The following CAPZB variants were observed in gnomAD, a reference collection of about 807,000 sequenced individuals.
CAPZB encodes the protein F-actin-capping protein subunit beta.
CAPZB carries 2 observed loss-of-function variants against 38.1 expected under a neutral mutation model. The observed-to-expected ratio is 0.05, with a 90% confidence interval of 0.02 to 0.17. The LOEUF is 0.17. Ranked by LOEUF, CAPZB falls within the 10% of genes least tolerant of loss-of-function variation. The pLI, the probability that CAPZB is intolerant of heterozygous loss-of-function variation, is 1.00. For missense variants in CAPZB, 161 were observed against 334.2 expected (o/e 0.48, Z 4.04); for synonymous variants, 107 against 127.4 (o/e 0.84, Z 1.08).
chr1:19,473,612 CCAG>C (rs1312852287), intron 1 of CAPZB, among the ~76,000 whole-genome samples: 1 of 152,164 alleles, frequency 6.6e-6, no homozygotes, highest in Non-Finnish European at 1.5e-5. Flanking sequence ...ACCTGTAATC[CCAG>C]CACTTTGGGA....
intron 2 of CAPZB, among the ~76,000 whole-genome samples, chr1:19,407,759 TC>T (rs1329264151): frequency 1.3e-5 from 2 of 152,130 alleles, no homozygotes; most frequent in Non-Finnish European, 2.9e-5. Context: ...TCCCAGGGCT[TC>T]CGAAGACTTT....
chr1:19,431,905 CG>C (rs943360134), intron 1 of CAPZB, among the ~76,000 whole-genome samples: 1 of 150,710 alleles, frequency 6.6e-6, no homozygotes, highest in Non-Finnish European at 1.5e-5. Context: ...AGCGAGACCC[CG>C]TCTCTACAAA....
At chr1:19,372,335 G>A (rs746672295) in intron 4 of CAPZB, among the ~76,000 whole-genome samples, 3 of 152,218 alleles carry the variant, frequency 2.0e-5, no homozygotes, top group Non-Finnish European at 4.4e-5. Context: ...AGCATTGGGC[G>A]AGATGTCTGG....
At chr1:19,443,674 T>C (rs926313743) in intron 1 of CAPZB, among the ~76,000 whole-genome samples, 5 of 152,198 alleles carry the variant, frequency 3.3e-5, no homozygotes, top group African/African-American at 1.2e-4. Context: ...ACTCAGTGTC[T>C]CCGGTGTGCC....
intron 4 of CAPZB, among the ~76,000 whole-genome samples, chr1:19,360,179 G>A (rs549458620): frequency 2.0e-5 from 3 of 152,268 alleles, no homozygotes; most frequent in East Asian, 1.9e-4. Context: ...GTTAACTTAC[G>A]AGGCACATCA....
intron 6 of CAPZB, among the ~76,000 whole-genome samples, chr1:19,346,059 G>C (rs79558165): frequency 6.6e-6 from 1 of 152,108 alleles, no homozygotes; most frequent in Non-Finnish European, 1.5e-5. Context: ...ACTTTCCCCC[G>C]AATTTTTTCT....
chr1:19,452,383 C>G (rs981001792), intron 1 of CAPZB, among the ~76,000 whole-genome samples: 2 of 152,192 alleles, frequency 1.3e-5, no homozygotes, highest in Non-Finnish European at 2.9e-5. Flanking sequence ...TGTTCTTGGT[C>G]GCCTCTGTAC....
chr1:19,376,342 C>T (rs916230703), intron 4 of CAPZB, among the ~76,000 whole-genome samples: 1 of 152,210 alleles, frequency 6.6e-6, no homozygotes, highest in Non-Finnish European at 1.5e-5. Flanking sequence ...TCAAACTTAG[C>T]TGAAAGGGCA....
chr1:19,467,819 C>T (rs973072282), intron 1 of CAPZB, among the ~76,000 whole-genome samples: 1 of 152,192 alleles, frequency 6.6e-6, no homozygotes, highest in Non-Finnish European at 1.5e-5. Context: ...TCACATAACA[C>T]CTCATTATGC....
chr1:19,448,932 T>C (rs2094505261), intron 1 of CAPZB: 1 of 1,612,600 alleles, frequency 6.2e-7, no homozygotes, highest in South Asian at 1.1e-5. Flanking sequence ...GGTGATGGGT[T>C]AATAACAATC....
In CAPZB at chr1:19,385,511, G is replaced by C; in HGVS notation, c.209C>G (p.Ser70Cys). The change falls in exon 3 of 9, where the codon TCC becomes TGC. Residue 70 changes from serine to cysteine, a missense_variant. Coordinates refer to ENST00000264202, the MANE Select transcript of CAPZB (RefSeq NM_004930.5). Reference sequence around the variant, plus strand: ...CCCCGGGGCATGAGCTCACCTATAGGAGTCCCCATCTCTGTTGTAGTCACA... The same window carrying C: ...CCCCGGGGCATGAGCTCACCTATAGCAGTCCCCATCTCTGTTGTAGTCACA... ...LLCDYNRDGD[S>C]YRSPWSNKYD... The C allele has an allele frequency of 6.2e-7, 1 of 1,612,694 alleles. No homozygotes were observed. Among genetic ancestry groups the C allele is most frequent in the Non-Finnish European group, 8.5e-7 (1 of 1,179,986 alleles).
intron 4 of CAPZB, among the ~76,000 whole-genome samples, chr1:19,368,927 G>C (rs1263900248): frequency 6.6e-6 from 1 of 152,174 alleles, no homozygotes; most frequent in African/African-American, 2.4e-5. Flanking sequence ...CAGGATGGGG[G>C]AGCTTGACCA....
chr1:19,357,922 C>T lies in CAPZB; in HGVS notation c.330-359G>A, dbSNP rs922614204. Among the ~76,000 whole-genome samples, 3 of 152,128 alleles carry T rather than the reference C, an allele frequency of 2.0e-5. No individual in the cohort carries two copies. The highest frequency in any genetic ancestry group is 1.3e-4 in the Admixed American group (2 of 15,278). On this transcript the variant is annotated intron_variant, in intron 4 of 8. Transcript: ENST00000264202. The surrounding 1 kb of genome is among the most constrained non-coding windows in gnomAD (Gnocchi z 4.3). Reference sequence around the variant, plus strand: ...ATGCAGGCCATGACTACTGGAGTCACCACGGTTGTTCGATATTTCTGTCTT... The same window carrying T: ...ATGCAGGCCATGACTACTGGAGTCATCACGGTTGTTCGATATTTCTGTCTT...
intron 1 of CAPZB, among the ~76,000 whole-genome samples, chr1:19,480,595 T>C (rs543580336): frequency 6.6e-6 from 1 of 152,292 alleles, no homozygotes; most frequent in South Asian, 2.1e-4. Flanking sequence ...ACAGAGCTCA[T>C]ATGCTCTGTC....
At chr1:19,350,715 G>A (rs7521089) in intron 6 of CAPZB, among the ~76,000 whole-genome samples, 10,083 of 151,496 alleles carry the variant, frequency 0.067, 1,116 homozygotes, top group African/African-American at 0.23. Context: ...CCCAGGTTCA[G>A]GCCATCCTCC....
In CAPZB at chr1:19,357,831, A is replaced by T. The variant is rs2094030118; in HGVS notation, c.330-268T>A. On this transcript the variant is annotated intron_variant, in intron 4 of 8. Coordinates refer to ENST00000264202, the MANE Select transcript of CAPZB (RefSeq NM_004930.5). This position sits in a 1 kb window ranked among gnomAD's most constrained non-coding sequence, Gnocchi z 4.3. ...ATCTGTGTGGTCTTTGGCTTACTGA[A>T]CCTCTCTGGGCGTCACACTCCTCCC... 6.6e-6 allele frequency among the ~76,000 whole-genome samples: 1 copy of T among 151,360 alleles called. No homozygotes were observed. Among genetic ancestry groups the T allele is most frequent in the Non-Finnish European group, 1.5e-5 (1 of 67,844 alleles).
At chr1:19,408,599 C>T (rs1159252327) in intron 2 of CAPZB, among the ~76,000 whole-genome samples, 1 of 152,190 alleles carries the variant, frequency 6.6e-6, no homozygotes, top group Non-Finnish European at 1.5e-5. Flanking sequence ...GTCTCTTCTG[C>T]CAGCAAAAGG....
chr1:19,464,458 A>AT (rs2094562609), intron 1 of CAPZB, among the ~76,000 whole-genome samples: 1 of 151,626 alleles, frequency 6.6e-6, no homozygotes. Context: ...TGCCCGGCTA[A>AT]TTTTTTGTAT....
chr1:19,392,242 G>A (rs987578195), intron 2 of CAPZB, among the ~76,000 whole-genome samples: 13 of 151,820 alleles, frequency 8.6e-5, no homozygotes, highest in Non-Finnish European at 1.8e-4. Context: ...ACGACAGAAG[G>A]GGGTTGCTGT....
Sources: gnomAD v4.1 joint callset for allele counts (sites outside exome capture counted in the v4.1 genomes callset) on GRCh38, gnomAD v4.1.1 for gene constraint, Gnocchi (gnomAD v3.1) non-coding constraint, MANE v1.5 for transcripts, NCBI Gene and HGNC (gene_info 2026-07-23, HGNC 2026-07-21) for gene names.